Variants in PBRM1 observed in about 807,000 individuals in gnomAD.
PBRM1 encodes the protein polybromo 1.
Under a neutral mutation model 194.5 loss-of-function variants are expected in PBRM1, and 27 were observed. The observed-to-expected ratio is 0.14, with a 90% CI of 0.10 to 0.19. The LOEUF is 0.19. Ranked by LOEUF, PBRM1 falls within the 10% of genes least tolerant of loss-of-function variation. The probability of loss-of-function intolerance (pLI) is 1.00; values close to 1 mark genes in which losing one functional copy is unlikely to be tolerated. For missense variants in PBRM1, 1,466 were observed against 2,077.2 expected (o/e 0.71, Z 5.72); for synonymous variants, 655 against 693.2 (o/e 0.94, Z 0.87).
chr3:52,545,938 TG>T (rs2079625954), downstream of PBRM1: 1 of 232,750 alleles, frequency 4.3e-6, no homozygotes, highest in Non-Finnish European at 8.5e-6. Flanking sequence ...CAGAAAAACA[TG>T]ATTCTAAAAT....
At chr3:52,550,773 G>A in exon 28 of PBRM1, 2 of 1,612,022 alleles carry the variant, frequency 1.2e-6, no homozygotes, top group Non-Finnish European at 1.7e-6. Flanking sequence ...CTTCCACCTG[G>A]TGCTGGAGTC....
At chr3:52,546,397 T>C (rs1410787834), downstream of PBRM1, 2 of 229,206 alleles carry the variant, frequency 8.7e-6, no homozygotes, top group Non-Finnish European at 1.7e-5. Flanking sequence ...TTAAATTCAA[T>C]ATTATTTAAA....
At position 52,586,748 on chromosome 3, in the gene PBRM1, CAAAAAAAAA is replaced by C. The variant is rs35352950; in HGVS notation, c.3124-69_3124-61del. 3.9e-4 allele frequency: 72 copies of C among 183,906 alleles called. 3 individuals are homozygous for C. The highest frequency in any genetic ancestry group is 6.1e-4 in the Non-Finnish European group (66 of 107,602). The allele number at this position is 183,906 out of a possible 1,614,324, so 11.4% of individuals were successfully genotyped here. On this transcript the variant is annotated intron_variant, in intron 19 of 29. Coordinates refer to ENST00000296302, the Ensembl canonical transcript of PBRM1. ...TTAGGTGAATTTTCTGAAAATCAAT[CAAAAAAAAA>C]AAAAAAAAAAGCAAATAACCAACCA... is the stretch of plus-strand genomic sequence containing the variant.
At chr3:52,680,132 G>C (rs759015937), upstream of PBRM1, among the ~76,000 whole-genome samples, 1 of 152,108 alleles carries the variant, frequency 6.6e-6, no homozygotes, top group Non-Finnish European at 1.5e-5. Context: ...TCCACCTCTG[G>C]AGTCAGCACC....
chr3:52,613,190 G>C (rs2094741648), intron 15 of PBRM1, among the ~76,000 whole-genome samples: 1 of 152,068 alleles, frequency 6.6e-6, no homozygotes, highest in Non-Finnish European at 1.5e-5. Flanking sequence ...GATGCATACT[G>C]AACTATGTGG....
exon 4 of PBRM1, chr3:52,662,234 A>G (rs2096738936): frequency 6.2e-7 from 1 of 1,613,820 alleles, no homozygotes; most frequent in Non-Finnish European, 8.5e-7. Context: ...CGAAGGTACA[A>G]ATCCCAGAGT....
At chr3:52,645,741 C>A (rs2096272921) in intron 7 of PBRM1, among the ~76,000 whole-genome samples, 1 of 152,048 alleles carries the variant, frequency 6.6e-6, no homozygotes. Flanking sequence ...ATAGACTGAA[C>A]AAAGGAATGA....
chr3:52,664,330 T>C (rs2096784898), intron 3 of PBRM1, among the ~76,000 whole-genome samples: 1 of 148,806 alleles, frequency 6.7e-6, no homozygotes, highest in Non-Finnish European at 1.5e-5. Context: ...CGCTACTTCC[T>C]ATATGTAGAA....
intron 17 of PBRM1, among the ~76,000 whole-genome samples, chr3:52,590,972 TC>T (rs1007423929): frequency 1.5e-4 from 23 of 152,348 alleles, no homozygotes; most frequent in African/African-American, 5.1e-4. Context: ...TAGGGATCTT[TC>T]ACCTCCCTGG....
upstream of PBRM1, chr3:52,679,769 C>CT (rs1374603150): frequency 4.6e-6 from 7 of 1,526,708 alleles, no homozygotes; most frequent in East Asian, 1.4e-4. Context: ...TAAATAGACT[C>CT]TGTCACCAAG....
exon 1 of PBRM1, chr3:52,685,826 C>T (rs1229952001): frequency 4.4e-6 from 2 of 456,530 alleles, no homozygotes; most frequent in Admixed American, 9.1e-5. Flanking sequence ...ACGGCTGCTG[C>T]TATTGCTCCT....
chr3:52,598,655 G>C (rs2093746899), intron 17 of PBRM1, among the ~76,000 whole-genome samples: 1 of 152,110 alleles, frequency 6.6e-6, no homozygotes, highest in Admixed American at 6.5e-5. Context: ...AATCTCAGGA[G>C]GGGGGATCCC....
chr3:52,644,789 C>G (rs1473745423), exon 8 of PBRM1: 3 of 1,385,730 alleles, frequency 2.2e-6, no homozygotes. Context: ...GAATTTGCAT[C>G]CTGTCAAGAT....
At position 52,563,099 on chromosome 3, in the gene PBRM1, A is replaced by G. The variant is rs2084086854; in HGVS notation, c.4086+184T>C. On this transcript the variant is annotated intron_variant, in intron 24 of 29. Transcript: ENST00000296302. ...TAATATAAATTATTAATGGGATGAC[A>G]TATAATTTTTGTCAATCAAAAATAA... Among the ~76,000 whole-genome samples, 3 of 152,214 alleles carry G rather than the reference A, an allele frequency of 2.0e-5. No individual in the cohort carries two copies. In the South Asian group the frequency reaches 6.2e-4, roughly 32 times the overall value.
chr3:52,669,896 T>C (rs2096912945), intron 2 of PBRM1, among the ~76,000 whole-genome samples: 1 of 152,162 alleles, frequency 6.6e-6, no homozygotes, highest in South Asian at 2.1e-4. Flanking sequence ...GCAGGTCCAC[T>C]TATATGGGAA....
intron 14 of PBRM1, among the ~76,000 whole-genome samples, chr3:52,616,860 T>TTAA (rs2094986020): frequency 6.6e-6 from 1 of 152,206 alleles, no homozygotes; most frequent in African/African-American, 2.4e-5. Context: ...ATGAAAGATT[T>TTAA]TAATACTATT....
At chr3:52,674,665 TACAC>T (rs1205407010) in intron 2 of PBRM1, among the ~76,000 whole-genome samples, 1 of 136,824 alleles carries the variant, frequency 7.3e-6, no homozygotes, top group East Asian at 2.0e-4. Context: ...TATATATATA[TACAC>T]ACACACACAC....
At chr3:52,579,348 G>T (rs992720338) in intron 20 of PBRM1, 149 bp from the exon 23 acceptor site, 54 of 683,454 alleles carry the variant, frequency 7.9e-5, no homozygotes, top group Non-Finnish European at 1.2e-4. Flanking sequence ...CATTTTGGGA[G>T]GCCAAGGCAG....
At chr3:52,618,300 A>T (rs2095078155) in intron 13 of PBRM1, among the ~76,000 whole-genome samples, 1 of 152,200 alleles carries the variant, frequency 6.6e-6, no homozygotes, top group African/African-American at 2.4e-5. Context: ...ACAAAGCATA[A>T]GGGACTATAG....
Sources: allele counts gnomAD v4.1 joint callset (sites outside exome capture counted in the v4.1 genomes callset), GRCh38; gene constraint gnomAD v4.1.1; transcripts MANE v1.5; gene names NCBI Gene and HGNC (gene_info 2026-07-23, HGNC 2026-07-21).